Variants in PIWIL2 observed in about 807,000 individuals in gnomAD.
PIWIL2 encodes piwi like RNA-mediated gene silencing 2, also known as piwi-like protein 2.
Under a neutral mutation model 116.5 loss-of-function variants are expected in PIWIL2, and 81 were observed. That is an observed-to-expected ratio of 0.70 (90% confidence interval 0.58 to 0.84). The LOEUF (loss-of-function observed/expected upper bound fraction) is 0.84. Among genes scored for constraint, PIWIL2 ranks in the 40% least tolerant of loss-of-function variants. PIWIL2 has a pLI of 0.00. For missense variants in PIWIL2, 1,272 were observed against 1,212.3 expected (o/e 1.05, Z -0.73); for synonymous variants, 489 against 429.5 (o/e 1.14, Z -1.71).
chr8:22,355,584 A>G lies in PIWIL2; in HGVS notation c.*79A>G, dbSNP rs1832471881. On this transcript the variant is annotated 3_prime_UTR_variant, in exon 23 of 23. Coordinates refer to ENST00000356766, the MANE Select transcript of PIWIL2 (RefSeq NM_018068.5). The stretch of plus-strand genomic sequence containing the variant: ...TGTGACTCTTGCAGAATCAACAGAG[A>G]CTGAAGTGGGCTTTTGTGTTATAAT... The G allele has an allele frequency of 2.3e-6, 3 of 1,278,264 alleles. No individual in the cohort carries two copies. In the African/African-American group the frequency reaches 4.4e-5, roughly 19 times the overall value. The allele number at this position is 1,278,264 out of a possible 1,614,324, so 79.2% of individuals were successfully genotyped here. A position where few individuals can be genotyped will look rare whatever the true frequency, so the allele number is the denominator to read the frequency against.
At chr8:22,327,390 G>A (rs1337959975) in intron 20 of PIWIL2, among the ~76,000 whole-genome samples, 20 of 138,656 alleles carry the variant, frequency 1.4e-4, no homozygotes, top group Admixed American at 6.7e-4. Flanking sequence ...TTTTTGAGAC[G>A]GAGTTTCACT....
At position 22,311,193 on chromosome 8, in the gene PIWIL2, A is replaced by G. The variant is rs1274236100; in HGVS notation, c.1882A>G (p.Ile628Val). 1.2e-6 allele frequency: 2 copies of G among 1,614,202 alleles called. No homozygotes were observed. Among genetic ancestry groups the G allele is most frequent in the Admixed American group, 1.7e-5 (1 of 60,016 alleles). Reference sequence around the variant, plus strand: ...AGAACTGGTCAACATGTTGGAGAAGATAGCCGGCCCCATTGGCATGCGTAT... The same window carrying G: ...AGAACTGGTCAACATGTTGGAGAAGGTAGCCGGCCCCATTGGCATGCGTAT... ...ARELVNMLEKIAGPIGMRMSP... is the reference protein window; with the variant it reads ...ARELVNMLEKVAGPIGMRMSP... Residue 628 changes from isoleucine (I) to valine (V), a missense_variant, in exon 16 of 23, where the codon ATA becomes GTA. Physicochemically the swap from Ile to Val is conservative, Grantham distance 29. Coordinates refer to ENST00000356766, the MANE Select transcript of PIWIL2 (RefSeq NM_018068.5).
intron 14 of PIWIL2, among the ~76,000 whole-genome samples, chr8:22,308,904 G>T (rs1360779410): frequency 6.6e-6 from 1 of 152,008 alleles, no homozygotes; most frequent in Non-Finnish European, 1.5e-5. Flanking sequence ...GCCTACCTTA[G>T]CCTCCCAAAG....
intron 20 of PIWIL2, 152 bp downstream of exon 20, chr8:22,318,427 C>A (rs987285774): frequency 3.7e-6 from 2 of 547,908 alleles, no homozygotes; most frequent in Non-Finnish European, 6.5e-6. Context: ...AAGCGGTTCT[C>A]CTGCCTCAGC....
rs779691284 is a variant in PIWIL2, at chr8:22,281,517, TG to T, written c.425+5del. ...AGAGACCTCCGTTGGTTGGAGTAGGTGGGTAAAGTTACCCTCTCAGGTAACT... is the reference window on the plus strand; with the variant it reads ...AGAGACCTCCGTTGGTTGGAGTAGGTGGTAAAGTTACCCTCTCAGGTAACT... On this transcript the variant is annotated splice_donor_region_variant and intron_variant, in intron 4 of 22. Transcript: ENST00000356766. 1 of 1,564,984 alleles carries T rather than the reference TG, an allele frequency of 6.4e-7. No homozygotes were observed. Among genetic ancestry groups the T allele is most frequent in the Non-Finnish European group, 8.6e-7 (1 of 1,164,742 alleles).
chr8:22,337,233 G>T (rs1014953131), intron 20 of PIWIL2, among the ~76,000 whole-genome samples: 1 of 151,808 alleles, frequency 6.6e-6, no homozygotes, highest in African/African-American at 2.4e-5. Context: ...ACAATGAAAA[G>T]AACTTACATT....
intron 20 of PIWIL2, among the ~76,000 whole-genome samples, chr8:22,327,663 G>A (rs549057021): frequency 1.3e-5 from 2 of 152,190 alleles, no homozygotes; most frequent in Admixed American, 6.5e-5. Context: ...CACCATGCCC[G>A]GCTTGAATCA....
Position 22,321,799 on chromosome 8 carries a change from T to C in PIWIL2, c.2403+3524T>C, listed in dbSNP as rs999467406. On this transcript the variant is annotated intron_variant, in intron 20 of 22. Transcript: ENST00000356766. ...ACAAATTTGCTTTGGGGTTCTAAGA[T>C]TCTGACTACCTCTGGACTCCCCATT... is the stretch of plus-strand genomic sequence containing the variant. 5 of 927,322 alleles carry C rather than the reference T, an allele frequency of 5.4e-6. No individual in the cohort carries two copies. The African/African-American group carries it at 8.9e-5, about 17-fold the overall frequency. The allele number at this position is 927,322 out of a possible 1,614,324, so 57.4% of individuals were successfully genotyped here.
At chr8:22,343,404 C>A (rs1452189093) in intron 20 of PIWIL2, among the ~76,000 whole-genome samples, 1 of 151,200 alleles carries the variant, frequency 6.6e-6, no homozygotes, top group Admixed American at 6.6e-5. Flanking sequence ...CATTGCACTC[C>A]AGCCTGGGCA....
intron 13 of PIWIL2, among the ~76,000 whole-genome samples, chr8:22,307,265 G>A (rs1340388193): frequency 2.5e-4 from 38 of 151,666 alleles, no homozygotes. Flanking sequence ...CAAGTGATCT[G>A]CCTGTCTTGG....
In PIWIL2 at chr8:22,277,904, C is replaced by T. The variant is rs1007402988; in HGVS notation, c.-46-1437C>T. Among the ~76,000 whole-genome samples the T allele has an allele frequency of 4.6e-5, 7 of 152,328 alleles. No individual in the cohort carries two copies. In the East Asian group the frequency reaches 1.2e-3, roughly 25 times the overall value. ...TGTTTATAGGCCAGGCACAGTGGCT[C>T]ACACCTGTAATCCCAGCACTTTGGG... On this transcript the variant is annotated intron_variant, in intron 1 of 22. Transcript: ENST00000356766.
chr8:22,311,370 A>C (rs1454323280), intron 16 of PIWIL2, 70 bp downstream of exon 16: 2 of 1,223,890 alleles, frequency 1.6e-6, no homozygotes, highest in Non-Finnish European at 2.3e-6. Context: ...ATTTTAATGT[A>C]TCATGGTTAT....
intron 1 of PIWIL2, chr8:22,275,717 CG>C (rs2131967081): frequency 6.6e-6 from 1 of 152,558 alleles, no homozygotes; most frequent in South Asian, 2.1e-4. Context: ...GTGCTTTTCT[CG>C]GGGTGGAAAG....
intron 10 of PIWIL2, among the ~76,000 whole-genome samples, chr8:22,302,382 T>C (rs1191819204): frequency 6.6e-6 from 1 of 152,156 alleles, no homozygotes. Flanking sequence ...GGTTTCATCA[T>C]GTTGGCCAGG....
intron 22 of PIWIL2, 25 bp from the exon 23 acceptor site, chr8:22,355,324 A>G: frequency 6.2e-7 from 1 of 1,613,034 alleles, no homozygotes; most frequent in Non-Finnish European, 8.5e-7. Flanking sequence ...GATGATGAGA[A>G]TTATATTTTC....
At chr8:22,314,477 C>T (rs1033751860) in intron 17 of PIWIL2, 48 bp downstream of exon 17, 2 of 959,340 alleles carry the variant, frequency 2.1e-6, no homozygotes, top group Middle Eastern at 2.4e-4. Flanking sequence ...TCTCGCCTCC[C>T]CGAGGCTTGA....
chr8:22,282,991 C>G, intron 4 of PIWIL2, 43 bp from the exon 5 acceptor site: 1 of 1,425,480 alleles, frequency 7.0e-7, no homozygotes. Flanking sequence ...TGGGACATAG[C>G]TATTATAAAA....
At chr8:22,352,531 C>T (rs913213683) in intron 20 of PIWIL2, among the ~76,000 whole-genome samples, 2 of 152,170 alleles carry the variant, frequency 1.3e-5, no homozygotes, top group African/African-American at 4.8e-5. Flanking sequence ...CTGATGGCAG[C>T]GGATCTGTGG....
intron 4 of PIWIL2, among the ~76,000 whole-genome samples, chr8:22,282,788 C>G (rs993109823): frequency 5.9e-5 from 9 of 151,918 alleles, no homozygotes; most frequent in African/African-American, 2.2e-4. Flanking sequence ...CGGGGTCTCA[C>G]TGTATTGTTT....
Sources: gnomAD v4.1 joint callset for allele counts (sites outside exome capture counted in the v4.1 genomes callset) on GRCh38, gnomAD v4.1.1 for gene constraint, MANE v1.5 for transcripts, NCBI Gene and HGNC (gene_info 2026-07-23, HGNC 2026-07-21) for gene names.